The following SPDYA variants were observed in gnomAD, a reference collection of about 807,000 sequenced individuals.
SPDYA encodes the protein speedy protein A.
In SPDYA, 11 loss-of-function variants were observed where a neutral mutation model predicts 36.7. The ratio of observed to expected loss-of-function variants is 0.30; its 90% CI spans 0.19 to 0.50. SPDYA has a LOEUF of 0.50. SPDYA is among the 20% of genes least tolerant of loss of function. SPDYA has a pLI of 0.98. For synonymous variants in SPDYA, 115 were observed against 118.7 expected, an observed-to-expected ratio of 0.97 and a Z score of 0.20; for missense variants, 287 against 370.9, an observed-to-expected ratio of 0.77 and a Z score of 1.86.
intron 5 of SPDYA, among the ~76,000 whole-genome samples, chr2:28,826,611 C>CT (rs777338299): frequency 0.63 from 47,845 of 75,412 alleles, 16,573 homozygotes; most frequent in South Asian, 0.74. Context: ...TTCTTTCTCT[C>CT]TTTTTTTTTT....
At chr2:28,825,671 G>T (rs140484156) in intron 5 of SPDYA, among the ~76,000 whole-genome samples, 15 of 151,834 alleles carry the variant, frequency 9.9e-5, no homozygotes, top group African/African-American at 3.6e-4. Context: ...TTACTTAATT[G>T]TAGGCTCCTT....
chr2:28,829,895 G>A (rs1668432624), intron 6 of SPDYA, among the ~76,000 whole-genome samples: 1 of 139,158 alleles, frequency 7.2e-6, no homozygotes, highest in Admixed American at 8.0e-5. Context: ...AGTGAGCAGA[G>A]ATCGCGCCAC....
At chr2:28,824,724 T>G (rs1042700254) in intron 5 of SPDYA, among the ~76,000 whole-genome samples, 3 of 151,790 alleles carry the variant, frequency 2.0e-5, no homozygotes, top group Non-Finnish European at 4.4e-5. Context: ...TTTTTTTTTG[T>G]ATTTTTAGTA....
chr2:28,812,293 CCTGA>C (rs1667866168), intron 1 of SPDYA, among the ~76,000 whole-genome samples: 1 of 152,036 alleles, frequency 6.6e-6, no homozygotes, highest in African/African-American at 2.4e-5. Context: ...ACTTGCCTGT[CCTGA>C]CTGAGTTGCC....
chr2:28,850,501 GTTTT>G lies in SPDYA; in HGVS notation c.*563_*566del. 1 of 798,582 alleles carries G rather than the reference GTTTT, an allele frequency of 1.3e-6. No individual in the cohort carries two copies. The highest frequency in any genetic ancestry group is 2.0e-6 in the Non-Finnish European group (1 of 510,896). The allele number at this position is 798,582 out of a possible 1,614,324, so 49.5% of individuals were successfully genotyped here. A position where few individuals can be genotyped will look rare whatever the true frequency, so the allele number is the denominator to read the frequency against. ...ATATGAGTTACTCTCTTTATTGTAA[GTTTT>G]TTCTTTATTTATTTCCTTGCATATG... On this transcript the variant is annotated 3_prime_UTR_variant, in exon 8 of 8. Transcript: ENST00000334056.
chr2:28,821,372 CTGTATTTTTA>C (rs1233844355), intron 4 of SPDYA, among the ~76,000 whole-genome samples: 1 of 151,552 alleles, frequency 6.6e-6, no homozygotes, highest in East Asian at 1.9e-4. Context: ...GCTAATTTTT[CTGTATTTTTA>C]GTAGAGATGG....
intron 6 of SPDYA, among the ~76,000 whole-genome samples, 159 bp from the exon 7 acceptor site, chr2:28,840,013 T>C (rs1668711145): frequency 6.6e-6 from 1 of 152,216 alleles, no homozygotes; most frequent in Non-Finnish European, 1.5e-5. Flanking sequence ...CACTTTTTAG[T>C]AATATTGCCT....
chr2:28,812,143 T>C (rs562108802), intron 1 of SPDYA, among the ~76,000 whole-genome samples: 12 of 152,196 alleles, frequency 7.9e-5, no homozygotes, highest in Non-Finnish European at 1.8e-4. Flanking sequence ...TCAAATTTCT[T>C]ATCTAGAAAA....
rs150220530 is a variant in SPDYA at position 28,811,561 on chromosome 2, C to T, written c.-93+614C>T. Among the ~76,000 whole-genome samples the T allele has an allele frequency of 3.2e-3, 480 of 152,158 alleles. 5 individuals are homozygous for T. Among genetic ancestry groups the T allele is most frequent in the African/African-American group, 0.011 (463 of 41,520 alleles). On this transcript the variant is annotated intron_variant, in intron 1 of 7. Transcript: ENST00000334056. This position sits in a 1 kb window ranked among gnomAD's most constrained non-coding sequence, Gnocchi z 4.2. ...TCCAGTAGGACTGGAGGGCCCCTAGCCTCAATCTTTTAAAAAGCCTTATGC... is the reference window on the plus strand; with the variant it reads ...TCCAGTAGGACTGGAGGGCCCCTAGTCTCAATCTTTTAAAAAGCCTTATGC...
intron 4 of SPDYA, among the ~76,000 whole-genome samples, chr2:28,819,890 A>C (rs1343723498): frequency 2.4e-5 from 2 of 82,426 alleles, no homozygotes; most frequent in Non-Finnish European, 4.4e-5. Context: ...ATATATATAT[A>C]TATATATATA....
In SPDYA at chr2:28,829,243, A is replaced by G; in HGVS notation, c.476A>G (p.Asn159Ser). The G allele has an allele frequency of 6.2e-7, 1 of 1,614,090 alleles. No homozygotes were observed. Among genetic ancestry groups the G allele is most frequent in the Non-Finnish European group, 8.5e-7 (1 of 1,179,982 alleles). The change falls in exon 6 of 8, where the codon AAT becomes AGT. Residue 159 changes from asparagine (N) to serine (S), a missense_variant. Physicochemically the swap from Asn to Ser is conservative, Grantham distance 46. Transcript: ENST00000334056. ...LGKNWRKLFPNFLKLRDQLWD... is the reference protein window; with the variant it reads ...LGKNWRKLFPSFLKLRDQLWD... ...AAAAACTGGAGAAAATTGTTCCCTA[A>G]TTTCTTAAAGTTAAGGGACCAGCTC...
In SPDYA at chr2:28,849,939, T is replaced by G; in HGVS notation, c.940T>G (p.Ter314GlyextTer11). The change falls in exon 8 of 8, where the codon TGA becomes GGA. Residue 314 changes from the stop codon to glycine, a stop_lost. Transcript: ENST00000334056. ...SMEWFTGSEE[*>G] is the part of the protein sequence containing the mutation. Reference sequence around the variant, plus strand: ...GGAGTGGTTTACAGGAAGTGAAGAATGAGATGGCCCAACTAAACCAATTTG... The same window carrying G: ...GGAGTGGTTTACAGGAAGTGAAGAAGGAGATGGCCCAACTAAACCAATTTG... The G allele has an allele frequency of 6.3e-7, 1 of 1,584,574 alleles. No homozygotes were observed. Among genetic ancestry groups the G allele is most frequent in the Non-Finnish European group, 8.6e-7 (1 of 1,169,142 alleles).
At chr2:28,816,419 G>C (rs1237981142) in intron 3 of SPDYA, among the ~76,000 whole-genome samples, 170 bp downstream of exon 3, 1 of 150,888 alleles carries the variant, frequency 6.6e-6, no homozygotes, top group Non-Finnish European at 1.5e-5. Flanking sequence ...TTTCAATGTT[G>C]GGTTTTTGTT....
chr2:28,816,321 T>A, intron 3 of SPDYA, 72 bp downstream of exon 3: 1 of 1,126,596 alleles, frequency 8.9e-7, no homozygotes, highest in Non-Finnish European at 1.2e-6. Context: ...TCTAAATGTT[T>A]TTATTCTGAT....
At chr2:28,818,843 A>G (rs1047932520) in intron 3 of SPDYA, among the ~76,000 whole-genome samples, 1 of 152,224 alleles carries the variant, frequency 6.6e-6, no homozygotes, top group African/African-American at 2.4e-5. Context: ...AGATGGCTTG[A>G]TGAAGGATAA....
chr2:28,822,393 A>G lies in SPDYA; in HGVS notation c.363A>G (p.Ile121Met), dbSNP rs769759917. The G allele has an allele frequency of 6.4e-7, 1 of 1,554,362 alleles. No individual in the cohort carries two copies. Among genetic ancestry groups the G allele is most frequent in the South Asian group, 1.2e-5 (1 of 84,426 alleles). ...AKFTISEHTR[I>M]NFFIALYLAN... ...TTACTATAAGTGAGCATACCAGGAT[A>G]AATTTCTTTATTGCTCTGTAAGTAT... is the stretch of plus-strand genomic sequence containing the variant. The change falls in exon 5 of 8, where the codon ATA becomes ATG. Residue 121 changes from isoleucine to methionine, a missense_variant. Ile to Met is a conservative substitution (Grantham distance 10, BLOSUM62 1). Transcript: ENST00000334056.
chr2:28,824,477 A>AG (rs1668263247), intron 5 of SPDYA, among the ~76,000 whole-genome samples: 3 of 38,266 alleles, frequency 7.8e-5, no homozygotes, highest in Non-Finnish European at 1.7e-4. Context: ...TGCTGTCAGG[A>AG]GAAAAAAAAA....
Position 28,834,032 on chromosome 2 carries a change from C to A in SPDYA, c.552+4713C>A, listed in dbSNP as rs530530598. On this transcript the variant is annotated intron_variant, in intron 6 of 7. Transcript: ENST00000334056. ...AAAGACAATCAATTTAAAAAATGGG[C>A]AAATAATCCAAATAGACATTTCTCC... is the stretch of plus-strand genomic sequence containing the variant. Among the ~76,000 whole-genome samples, 114 of 151,016 alleles carry A rather than the reference C, an allele frequency of 7.5e-4. 1 individual carries two copies. The highest frequency in any genetic ancestry group is 2.7e-3 in the African/African-American group (109 of 41,096).
chr2:28,823,701 GAATA>G (rs1668229552), intron 5 of SPDYA, among the ~76,000 whole-genome samples: 1 of 23,412 alleles, frequency 4.3e-5, no homozygotes, highest in South Asian at 2.0e-3. Context: ...GGGAATGCAT[GAATA>G]TATATATATA....
Sources: gnomAD v4.1 joint callset for allele counts (sites outside exome capture counted in the v4.1 genomes callset) on GRCh38, gnomAD v4.1.1 for gene constraint, Gnocchi (gnomAD v3.1) non-coding constraint, MANE v1.5 for transcripts, NCBI Gene and HGNC (gene_info 2026-07-23, HGNC 2026-07-21) for gene names.